Variants in CCDC171 observed in about 807,000 individuals in gnomAD.
The protein encoded by CCDC171 is coiled-coil domain-containing protein 171.
In CCDC171, 177 loss-of-function variants were observed where a neutral mutation model predicts 168.2. The observed-to-expected ratio is 1.05, with a 90% CI of 0.93 to 1.19. CCDC171 has a LOEUF of 1.19. Ranked by LOEUF, CCDC171 falls within the 50% of genes most tolerant of loss-of-function variation. The probability of loss-of-function intolerance (pLI) is 0.00; values close to 1 mark genes in which losing one functional copy is unlikely to be tolerated. For synonymous variants in CCDC171, 687 were observed against 540.8 expected (o/e 1.27, Z -3.75); for missense variants, 1,991 against 1,539.0 (o/e 1.29, Z -4.91).
chr9:15,612,047 T>C (rs1472259663), intron 6 of CCDC171, among the ~76,000 whole-genome samples: 1 of 152,250 alleles, frequency 6.6e-6, no homozygotes, highest in African/African-American at 2.4e-5. Context: ...AAGCATCCTC[T>C]ATAAACTAGA....
chr9:15,842,283 T>C (rs1271124506), intron 21 of CCDC171, among the ~76,000 whole-genome samples: 1 of 152,042 alleles, frequency 6.6e-6, no homozygotes, highest in Non-Finnish European at 1.5e-5. Flanking sequence ...AGCGGCCTAA[T>C]GGTCTAAAGC....
chr9:15,685,391 C>T (rs74912375), intron 10 of CCDC171, among the ~76,000 whole-genome samples: 3,193 of 152,188 alleles, frequency 0.021, 116 homozygotes, highest in African/African-American at 0.073. Context: ...CTTTGAGAAT[C>T]TGAAACGGGA....
intron 3 of CCDC171, among the ~76,000 whole-genome samples, chr9:15,982,887 C>CA (rs1310409345): frequency 1.3e-5 from 2 of 152,130 alleles, no homozygotes; most frequent in Admixed American, 1.3e-4. Context: ...CCAAGGGGGA[C>CA]ATGGGTAGAT....
chr9:15,693,783 T>C (rs1010317947), intron 10 of CCDC171, among the ~76,000 whole-genome samples: 1 of 152,230 alleles, frequency 6.6e-6, no homozygotes, highest in African/African-American at 2.4e-5. Context: ...TTAAATGTGC[T>C]TAAGTTTCTC....
chr9:15,900,409 C>T (rs995435828), intron 24 of CCDC171, among the ~76,000 whole-genome samples: 1 of 152,140 alleles, frequency 6.6e-6, no homozygotes, highest in African/African-American at 2.4e-5. Context: ...TTCACAATGG[C>T]AAGTAAGTGA....
intron 21 of CCDC171, among the ~76,000 whole-genome samples, chr9:15,798,618 C>A (rs1449191239): frequency 6.6e-6 from 1 of 152,050 alleles, no homozygotes; most frequent in Non-Finnish European, 1.5e-5. Flanking sequence ...CAAAATGTGA[C>A]CCACAGGTCA....
the CCDC171 span, among the ~76,000 whole-genome samples, chr9:16,077,583 C>T: frequency 9.9e-5 from 15 of 152,278 alleles, no homozygotes; most frequent in African/African-American, 3.4e-4. Context: ...CATCCAGAGA[C>T]GACGAGAGAC....
At chr9:15,592,074 T>A (rs1299432159) in intron 5 of CCDC171, among the ~76,000 whole-genome samples, 2 of 152,030 alleles carry the variant, frequency 1.3e-5, no homozygotes, top group East Asian at 1.9e-4. Flanking sequence ...AAAAGTGATA[T>A]AAGGTTGAAG....
intron 21 of CCDC171, among the ~76,000 whole-genome samples, chr9:15,794,112 G>T (rs545748852): frequency 6.6e-6 from 1 of 151,976 alleles, no homozygotes; most frequent in African/African-American, 2.4e-5. Context: ...TTTGATATAG[G>T]TTTTTATTTG....
chr9:15,846,822 G>T lies in CCDC171; in HGVS notation c.3388G>T (p.Glu1130Ter), dbSNP rs2060916487. The T allele has an allele frequency of 1.9e-6, 3 of 1,609,300 alleles. No homozygotes were observed. Among genetic ancestry groups the T allele is most frequent in the African/African-American group, 1.3e-5 (1 of 74,786 alleles). ...ACTGGAGGAGAACATCCATGATGCA[G>T]AGAGTGCCCTCCGCATGGCAGCCAA... The part of the protein sequence containing the change: ...RRLEENIHDA[E>*]SALRMAAKDK... Residue 1130 changes from glutamate to a stop codon, truncating the protein, a stop_gained, in exon 22 of 26, where the codon GAG (glutamate) becomes TAG (stop). Transcript: ENST00000380701. LOFTEE classifies it high-confidence loss of function.
At chr9:15,579,557 A>G (rs1177000862) in intron 4 of CCDC171, among the ~76,000 whole-genome samples, 3 of 152,204 alleles carry the variant, frequency 2.0e-5, no homozygotes, top group Non-Finnish European at 4.4e-5. Flanking sequence ...TTCTATTTAC[A>G]TATAATATAT....
intron 16 of CCDC171, among the ~76,000 whole-genome samples, chr9:15,744,043 T>C (rs1394203192): frequency 6.6e-6 from 1 of 152,214 alleles, no homozygotes; most frequent in Non-Finnish European, 1.5e-5. Context: ...CTACTTTACA[T>C]AAAGCTTCTA....
chr9:15,648,785 A>G (rs2047256120), intron 7 of CCDC171, among the ~76,000 whole-genome samples: 1 of 152,190 alleles, frequency 6.6e-6, no homozygotes. Flanking sequence ...ATGCTCATGG[A>G]TAGGAAGAAT....
At chr9:15,834,074 A>G (rs1234024807) in intron 21 of CCDC171, among the ~76,000 whole-genome samples, 1 of 152,282 alleles carries the variant, frequency 6.6e-6, no homozygotes, top group East Asian at 1.9e-4. Context: ...AGTGGGCCCA[A>G]TTTTAAATTA....
intron 11 of CCDC171, among the ~76,000 whole-genome samples, chr9:15,715,635 C>A (rs1210736820): frequency 2.0e-5 from 3 of 152,178 alleles, no homozygotes; most frequent in African/African-American, 7.2e-5. Flanking sequence ...AAAAAAAGCT[C>A]TGTCTTTTGT....
intron 16 of CCDC171, among the ~76,000 whole-genome samples, chr9:15,740,978 T>G (rs2054839262): frequency 1.3e-5 from 2 of 152,226 alleles, no homozygotes; most frequent in South Asian, 4.1e-4. Flanking sequence ...AAACTTTTCC[T>G]CATATAGATT....
At chr9:15,824,645 A>G (rs1334124539) in intron 21 of CCDC171, among the ~76,000 whole-genome samples, 2 of 152,168 alleles carry the variant, frequency 1.3e-5, no homozygotes, top group East Asian at 1.9e-4. Flanking sequence ...ATAGATGAAC[A>G]GAACAACGTA....
intron 6 of CCDC171, among the ~76,000 whole-genome samples, chr9:15,595,791 C>T (rs1444270506): frequency 1.3e-5 from 2 of 152,146 alleles, no homozygotes; most frequent in Non-Finnish European, 2.9e-5. Context: ...TATTTCTCCA[C>T]ATCCTCTCTA....
intron 3 of CCDC171, among the ~76,000 whole-genome samples, chr9:15,574,548 G>T (rs2040484281): frequency 6.6e-6 from 1 of 151,780 alleles, no homozygotes; most frequent in African/African-American, 2.4e-5. Flanking sequence ...CAAAGTGCTG[G>T]GATTACAGGT....
Sources: allele counts gnomAD v4.1 joint callset (sites outside exome capture counted in the v4.1 genomes callset), GRCh38; gene constraint gnomAD v4.1.1; transcripts MANE v1.5; gene names NCBI Gene and HGNC (gene_info 2026-07-23, HGNC 2026-07-21).